Variants in CEP85L observed in about 807,000 individuals in gnomAD.
CEP85L encodes centrosomal protein 85L, also known as centrosomal protein of 85 kDa-like.
In CEP85L, 60 loss-of-function variants were observed where a neutral mutation model predicts 100.3. That is an observed-to-expected ratio of 0.60 (90% confidence interval 0.49 to 0.74). CEP85L has a LOEUF of 0.74. Ranked by LOEUF, CEP85L falls within the 30% of genes least tolerant of loss-of-function variation. The pLI is 0.00. For synonymous variants in CEP85L, 319 were observed against 322.7 expected (o/e 0.99, Z 0.12); for missense variants, 973 against 936.2 (o/e 1.04, Z -0.51).
intron 1 of CEP85L, among the ~76,000 whole-genome samples, chr6:118,666,511 CTCTGT>C (rs1776138517): frequency 6.6e-6 from 1 of 152,168 alleles, no homozygotes; most frequent in African/African-American, 2.4e-5. Context: ...ACATGTCTGG[CTCTGT>C]TCTAAGAGCT....
rs1354387566 is a variant in CEP85L, at chr6:118,461,360, T to G, written c.*4045A>C. The G allele has an allele frequency of 6.6e-6, 1 of 151,960 alleles. No homozygotes were observed. Among genetic ancestry groups the G allele is most frequent in the Non-Finnish European group, 1.5e-5 (1 of 67,962 alleles). 9.4% of individuals were successfully genotyped at this position (151,960 alleles called of 1,614,324 possible). ...AAAGACATCTATCTGATAATTCCCCTCATGTTTACTAAGGTATCCACCTAG... is the reference window on the plus strand; with the variant it reads ...AAAGACATCTATCTGATAATTCCCCGCATGTTTACTAAGGTATCCACCTAG... On this transcript the variant is annotated 3_prime_UTR_variant, in exon 13 of 13. Coordinates refer to ENST00000368491, the MANE Select transcript of CEP85L (RefSeq NM_001042475.3).
chr6:118,594,773 G>A (rs1014153046), intron 2 of CEP85L, among the ~76,000 whole-genome samples: 29 of 150,088 alleles, frequency 1.9e-4, no homozygotes, highest in African/African-American at 5.9e-4. Flanking sequence ...GGAGAATGGC[G>A]TGAACCCGGG....
At chr6:118,511,232 A>G in intron 5 of CEP85L, 66 bp downstream of exon 5, 1 of 922,050 alleles carries the variant, frequency 1.1e-6, no homozygotes, top group Non-Finnish European at 1.7e-6. Context: ...CTTATATTAC[A>G]AGGTAAGTAT....
chr6:118,499,721 G>A (rs1469105692), intron 5 of CEP85L, among the ~76,000 whole-genome samples: 3 of 151,622 alleles, frequency 2.0e-5, no homozygotes, highest in Non-Finnish European at 4.4e-5. Flanking sequence ...TAGTAATAGA[G>A]GAAGCTTCTT....
At chr6:118,468,733 A>C (rs778036887) in intron 12 of CEP85L, among the ~76,000 whole-genome samples, 40 of 152,224 alleles carry the variant, frequency 2.6e-4, no homozygotes, top group Admixed American at 2.6e-4. Flanking sequence ...TGGTTGGGTC[A>C]CTTAATCTAT....
chr6:118,562,160 T>C lies in CEP85L; in HGVS notation c.1020+3369A>G, dbSNP rs1779260976. ...TATAGGGAGTGTCATAGTGTTCACA[T>C]CTTTGAATATATAAATTATCTCAAA... On this transcript the variant is annotated intron_variant, in intron 3 of 12. Coordinates refer to ENST00000368491, the MANE Select transcript of CEP85L (RefSeq NM_001042475.3). 2.0e-5 allele frequency among the ~76,000 whole-genome samples: 3 copies of C among 152,346 alleles called. No individual in the cohort carries two copies. In the South Asian group the frequency reaches 6.2e-4, roughly 32 times the overall value.
chr6:118,567,235 GTGTGTGTGTGTGTGTATATATATA>G (rs1182793920), intron 2 of CEP85L, among the ~76,000 whole-genome samples: 1,542 of 83,442 alleles, frequency 0.018, 47 homozygotes, highest in Admixed American at 0.12. Context: ...GTGTGTGTGT[GTGTGTGTGTGTGTGTATATATATA>G]TATATATATA....
At chr6:118,482,665 G>C (rs915523822) in intron 7 of CEP85L, among the ~76,000 whole-genome samples, 5 of 152,072 alleles carry the variant, frequency 3.3e-5, no homozygotes, top group Admixed American at 6.6e-5. Flanking sequence ...ATAAACATGG[G>C]TGTACAAACA....
At chr6:118,470,231 T>C (rs941502164) in intron 11 of CEP85L, among the ~76,000 whole-genome samples, 15 of 152,116 alleles carry the variant, frequency 9.9e-5, no homozygotes, top group African/African-American at 3.6e-4. Context: ...AGCTTTCCAA[T>C]TGGAACTGTA....
intron 10 of CEP85L, among the ~76,000 whole-genome samples, chr6:118,474,104 C>G (rs1773172616): frequency 6.6e-6 from 1 of 152,028 alleles, no homozygotes; most frequent in African/African-American, 2.4e-5. Flanking sequence ...ACCTACCACT[C>G]AATGAAATTG....
intron 2 of CEP85L, among the ~76,000 whole-genome samples, chr6:118,596,106 T>C (rs1271900789): frequency 2.6e-5 from 4 of 152,180 alleles, no homozygotes; most frequent in East Asian, 1.9e-4. Flanking sequence ...TTAGCTAGCA[T>C]AGATTTGTTT....
chr6:118,461,493 AG>A lies in CEP85L; in HGVS notation c.*3911del, dbSNP rs1370005322. ...AACATTCTTAGAACTCATGTAAAAT[AG>A]AAATAAATGCTTACTGCAGGCAAAA... On this transcript the variant is annotated 3_prime_UTR_variant, in exon 13 of 13. Coordinates refer to ENST00000368491, the MANE Select transcript of CEP85L (RefSeq NM_001042475.3). The A allele has an allele frequency of 6.6e-6, 1 of 152,156 alleles. No individual in the cohort carries two copies. The highest frequency in any genetic ancestry group is 1.5e-5 in the Non-Finnish European group (1 of 67,970). The allele number at this position is 152,156 out of a possible 1,614,324, so 9.4% of individuals were successfully genotyped here.
At chr6:118,544,362 G>T (rs554698191) in intron 3 of CEP85L, among the ~76,000 whole-genome samples, 31 of 152,236 alleles carry the variant, frequency 2.0e-4, no homozygotes, top group African/African-American at 7.0e-4. Flanking sequence ...TCTCTTAGAA[G>T]TCATACTGCT....
At chr6:118,638,582 T>G (rs1774665792) in intron 1 of CEP85L, among the ~76,000 whole-genome samples, 1 of 148,800 alleles carries the variant, frequency 6.7e-6, no homozygotes. Context: ...AATATGCACT[T>G]AAAAACTCAA....
chr6:118,556,123 G>A (rs1001655702), intron 3 of CEP85L, among the ~76,000 whole-genome samples: 2 of 152,198 alleles, frequency 1.3e-5, no homozygotes, highest in African/African-American at 4.8e-5. Context: ...ATGGGTGTAT[G>A]TCTTTACGGC....
intron 2 of CEP85L, among the ~76,000 whole-genome samples, chr6:118,579,758 AG>A (rs1466143983): frequency 2.0e-5 from 3 of 152,252 alleles, no homozygotes; most frequent in African/African-American, 7.2e-5. Flanking sequence ...AGAGAAGACA[AG>A]GGGTCCTTGG....
chr6:118,538,560 A>G (rs1165156896), intron 3 of CEP85L, among the ~76,000 whole-genome samples: 3 of 152,088 alleles, frequency 2.0e-5, no homozygotes, highest in Non-Finnish European at 2.9e-5. Context: ...TCCAGTTTAT[A>G]TATCATCGGT....
At chr6:118,706,920 G>T (rs1478746459) in intron 1 of CEP85L, among the ~76,000 whole-genome samples, 1 of 152,092 alleles carries the variant, frequency 6.6e-6, no homozygotes, top group Non-Finnish European at 1.5e-5. Context: ...TCACTTCACT[G>T]CTTCCCTACC....
chr6:118,572,506 A>C (rs911015105), intron 2 of CEP85L, among the ~76,000 whole-genome samples: 4 of 151,984 alleles, frequency 2.6e-5, no homozygotes, highest in Admixed American at 6.6e-5. Flanking sequence ...CGGGAGGCAG[A>C]GGTTGCAGTG....
Sources: gnomAD v4.1 joint callset for allele counts (sites outside exome capture counted in the v4.1 genomes callset) on GRCh38, gnomAD v4.1.1 for gene constraint, MANE v1.5 for transcripts, NCBI Gene and HGNC (gene_info 2026-07-23, HGNC 2026-07-21) for gene names.